Variants in ASGR2 observed in about 807,000 individuals in gnomAD.
ASGR2 encodes C-type lectin domain family 4 member H2.
A neutral mutation model predicts 32.3 loss-of-function variants in ASGR2; 34 were observed. The ratio of observed to expected loss-of-function variants is 1.05; its 90% CI spans 0.80 to 1.40. The LOEUF (loss-of-function observed/expected upper bound fraction) is 1.40. ASGR2 is among the 40% of genes most tolerant of loss of function. The pLI, the probability that ASGR2 is intolerant of heterozygous loss-of-function variation, is 0.00. For synonymous variants in ASGR2, 143 were observed against 150.0 expected (o/e 0.95, Z 0.34); for missense variants, 385 against 386.4 (o/e 1.00, Z 0.03).
intron 2 of ASGR2, among the ~76,000 whole-genome samples, chr17:7,111,517 G>T (rs538786583): frequency 6.6e-6 from 1 of 152,002 alleles, no homozygotes; most frequent in Admixed American, 6.6e-5. Flanking sequence ...TTAGCCAGAC[G>T]TGGTGGCAGG....
chr17:7,114,803 G>C lies in ASGR2; in HGVS notation c.-259C>G. 2 of 990,042 alleles carry C rather than the reference G, an allele frequency of 2.0e-6. No homozygotes were observed. Among genetic ancestry groups the C allele is most frequent in the Non-Finnish European group, 2.4e-6 (2 of 832,888 alleles). The allele number at this position is 990,042 out of a possible 1,614,324, so 61.3% of individuals were successfully genotyped here. ...TCCAAGCTCTAACCTGGCACCTCCT[G>C]GCCTGGGACTTTGGACAGTAAACAG... is the stretch of plus-strand genomic sequence containing the variant. On this transcript the variant is annotated 5_prime_UTR_variant, in exon 1 of 9. Transcript: ENST00000691900. The surrounding 1 kb of genome is among the most constrained non-coding windows in gnomAD (Gnocchi z 4.5).
At position 7,113,908 on chromosome 17, in the gene ASGR2, C is replaced by A. The variant is rs1915133437; in HGVS notation, c.124+209G>T. 6.6e-6 allele frequency among the ~76,000 whole-genome samples: 1 copy of A among 152,226 alleles called. No individual in the cohort carries two copies. Among genetic ancestry groups the A allele is most frequent in the Non-Finnish European group, 1.5e-5 (1 of 68,052 alleles). ...CTTGGGTTGGGAGGAGAAGGGCAGGCAGTTATCTTCCAGATCTCCCCACAC... is the reference window on the plus strand; with the variant it reads ...CTTGGGTTGGGAGGAGAAGGGCAGGAAGTTATCTTCCAGATCTCCCCACAC... On this transcript the variant is annotated intron_variant, in intron 2 of 8. Transcript: ENST00000691900. The surrounding 1 kb of genome is among the most constrained non-coding windows in gnomAD (Gnocchi z 5.1).
intron 2 of ASGR2, among the ~76,000 whole-genome samples, chr17:7,111,563 G>A (rs12952104): frequency 0.084 from 12,801 of 151,800 alleles, 717 homozygotes; most frequent in East Asian, 0.15. Context: ...GGCTGAGGCA[G>A]GAGAATGGCA....
In ASGR2 at chr17:7,114,331, C is replaced by G. The variant is rs1467407403; in HGVS notation, c.-70-21G>C. ...TGGGGCTGGGGCAGAGGTGCAGATT[C>G]ACGTGGAGGTTGATGGTGGGATGGA... On this transcript the variant is annotated intron_variant, in intron 1 of 8. Coordinates refer to ENST00000691900, the MANE Select transcript of ASGR2 (RefSeq NM_001201352.2). The surrounding 1 kb of genome is among the most constrained non-coding windows in gnomAD (Gnocchi z 4.5). 10 of 1,534,830 alleles carry G rather than the reference C, an allele frequency of 6.5e-6. No homozygotes were observed. The highest frequency in any genetic ancestry group is 1.4e-5 in the African/African-American group (1 of 73,286).
At chr17:7,112,915 C>T (rs1002388013) in intron 2 of ASGR2, among the ~76,000 whole-genome samples, 3 of 152,156 alleles carry the variant, frequency 2.0e-5, no homozygotes, top group Admixed American at 1.3e-4. Context: ...TGCCCTTCTG[C>T]CTAGCACTGC....
intron 2 of ASGR2, among the ~76,000 whole-genome samples, chr17:7,109,215 G>T (rs980329891): frequency 6.6e-6 from 1 of 152,044 alleles, no homozygotes; most frequent in Non-Finnish European, 1.5e-5. Context: ...GGGGCGGGGG[G>T]GCAGACCCGG....
chr17:7,107,574 C>T lies in ASGR2; in HGVS notation c.410-257G>A, dbSNP rs1467836267. The T allele has an allele frequency of 3.1e-6, 2 of 636,274 alleles. No individual in the cohort carries two copies. The highest frequency in any genetic ancestry group is 5.6e-6 in the Non-Finnish European group (2 of 359,328). The allele number at this position is 636,274 out of a possible 1,614,324, so 39.4% of individuals were successfully genotyped here. ...GCGTACACACACATATACCATACCGCACACACACAGACTCATCTCACACAC... is the reference window on the plus strand; with the variant it reads ...GCGTACACACACATATACCATACCGTACACACACAGACTCATCTCACACAC... On this transcript the variant is annotated intron_variant, in intron 5 of 8. Transcript: ENST00000691900. The surrounding 1 kb of genome is among the most constrained non-coding windows in gnomAD (Gnocchi z 5.0).
intron 7 of ASGR2, 49 bp from the exon 8 acceptor site, chr17:7,102,245 C>T: frequency 1.3e-6 from 2 of 1,495,410 alleles, no homozygotes; most frequent in Non-Finnish European, 1.9e-6. Flanking sequence ...TGCCTTTCTC[C>T]TCCCTCCATG....
In ASGR2 at chr17:7,107,982, C is replaced by A. The variant is rs1011197391; in HGVS notation, c.338-75G>T. On this transcript the variant is annotated intron_variant, in intron 4 of 8. Coordinates refer to ENST00000691900, the MANE Select transcript of ASGR2 (RefSeq NM_001201352.2). This position sits in a 1 kb window ranked among gnomAD's most constrained non-coding sequence, Gnocchi z 5.0. ...ATGCTGCTGGGGGACCGGGGGCCAG[C>A]GCCTCGTCCTGGGCGATGCAGGCGT... 11 of 1,562,384 alleles carry A rather than the reference C, an allele frequency of 7.0e-6. No homozygotes were observed. In the African/African-American group the frequency reaches 1.4e-4, roughly 19 times the overall value.
At position 7,108,509 on chromosome 17, in the gene ASGR2, T is replaced by C. The variant is rs922967633; in HGVS notation, c.290A>G (p.Asn97Ser). 6.2e-7 allele frequency: 1 copy of C among 1,610,300 alleles called. No homozygotes were observed. Among genetic ancestry groups the C allele is most frequent in the Non-Finnish European group, 8.5e-7 (1 of 1,178,488 alleles). ...CTCCGTCAGGGTGCTCGAGGAGAAG[T>C]TGCTGAAAGCTTCCTTCAGGCTCCG... ...ELRSLKEAFS[N>S]FSSSTLTEVQ... The change falls in exon 4 of 9, where the codon AAC (asparagine) becomes AGC (serine). Residue 97 changes from asparagine to serine, a missense_variant. Transcript: ENST00000691900. The surrounding 1 kb of genome is among the most constrained non-coding windows in gnomAD (Gnocchi z 4.9).
intron 7 of ASGR2, among the ~76,000 whole-genome samples, chr17:7,102,931 C>T (rs1261491641): frequency 1.3e-5 from 2 of 152,152 alleles, no homozygotes; most frequent in South Asian, 2.1e-4. Context: ...AAGTGGACTT[C>T]GAGCCTGCAG....
rs928019067 is a variant in ASGR2 at position 7,113,176 on chromosome 17, A to T, written c.124+941T>A. 6.6e-6 allele frequency among the ~76,000 whole-genome samples: 1 copy of T among 151,870 alleles called. No homozygotes were observed. Among genetic ancestry groups the T allele is most frequent in the African/African-American group, 2.4e-5 (1 of 41,314 alleles). ...AAGATACTTAGGTCCTTCAGTCAAG[A>T]TTTATTACAGAAGGATCCAGGGAAG... is the stretch of plus-strand genomic sequence containing the variant. On this transcript the variant is annotated intron_variant, in intron 2 of 8. Coordinates refer to ENST00000691900, the MANE Select transcript of ASGR2 (RefSeq NM_001201352.2). This position sits in a 1 kb window ranked among gnomAD's most constrained non-coding sequence, Gnocchi z 5.1.
At chr17:7,109,919 A>G (rs913748866) in intron 2 of ASGR2, among the ~76,000 whole-genome samples, 2 of 152,072 alleles carry the variant, frequency 1.3e-5, no homozygotes, top group Non-Finnish European at 2.9e-5. Context: ...CTCCAGACCC[A>G]GAGCAGCTCC....
chr17:7,112,627 T>C (rs927956758), intron 2 of ASGR2, among the ~76,000 whole-genome samples: 1 of 152,162 alleles, frequency 6.6e-6, no homozygotes, highest in African/African-American at 2.4e-5. Flanking sequence ...GGACACCGCC[T>C]GGTGGGAAGT....
At chr17:7,109,228 C>T (rs1250029975) in intron 2 of ASGR2, among the ~76,000 whole-genome samples, 1 of 152,096 alleles carries the variant, frequency 6.6e-6, no homozygotes, top group Non-Finnish European at 1.5e-5. Flanking sequence ...AGACCCGGCC[C>T]TGCCTAGGCA....
Position 7,101,470 on chromosome 17 carries a change from T to G in ASGR2, c.*105A>C. The G allele has an allele frequency of 6.8e-7, 1 of 1,459,952 alleles. No homozygotes were observed. The highest frequency in any genetic ancestry group is 1.4e-5 in the South Asian group (1 of 73,696). 90.4% of individuals were successfully genotyped at this position (1,459,952 alleles called of 1,614,324 possible). ...CTCCTTTCTCTCTTTGCTCAGCTCTTCCCCATACCCCTGTCTCAGTGTTTC... is the reference window on the plus strand; with the variant it reads ...CTCCTTTCTCTCTTTGCTCAGCTCTGCCCCATACCCCTGTCTCAGTGTTTC... On this transcript the variant is annotated 3_prime_UTR_variant, in exon 9 of 9. Coordinates refer to ENST00000691900, the MANE Select transcript of ASGR2 (RefSeq NM_001201352.2).
upstream of ASGR2, chr17:7,114,938 G>GCCACTCACC: frequency 1.0e-6 from 1 of 981,270 alleles, no homozygotes; most frequent in Non-Finnish European, 1.2e-6. This position sits in a 1 kb window ranked among gnomAD's most constrained non-coding sequence, Gnocchi z 4.5. Context: ...AACTCCACAC[G>GCCACTCACC]CCACTCACCC....
chr17:7,105,557 T>C (rs1913549274), intron 7 of ASGR2, among the ~76,000 whole-genome samples: 1 of 152,040 alleles, frequency 6.6e-6, no homozygotes, highest in South Asian at 2.1e-4. Context: ...TGTGCACCTG[T>C]AGTCCCAGCT....
rs1202883380 is a variant in ASGR2, at chr17:7,108,529, G to T, written c.270C>A (p.Ser90Arg). ...AGAAGTTGCTGAAAGCTTCCTTCAG[G>T]CTCCGCAGCTCGGCTTGCAGCTGTG... ...QSAQLQAELR[S>R]LKEAFSNFSS... Residue 90 changes from serine (S) to arginine (R), a missense_variant, in exon 4 of 9, where the codon AGC becomes AGA. Physicochemically the swap from Ser to Arg is moderately radical, Grantham distance 110. Coordinates refer to ENST00000691900, the MANE Select transcript of ASGR2 (RefSeq NM_001201352.2). This position sits in a 1 kb window ranked among gnomAD's most constrained non-coding sequence, Gnocchi z 4.9. The T allele has an allele frequency of 2.5e-6, 4 of 1,609,202 alleles. No homozygotes were observed. The highest frequency in any genetic ancestry group is 2.2e-5 in the South Asian group (2 of 90,018).
Sources: allele counts gnomAD v4.1 joint callset (sites outside exome capture counted in the v4.1 genomes callset), GRCh38; gene constraint gnomAD v4.1.1; non-coding constraint Gnocchi (gnomAD v3.1); transcripts MANE v1.5; gene names NCBI Gene and HGNC (gene_info 2026-07-23, HGNC 2026-07-21).